SCLY: variants seen among roughly 807,000 people sequenced by gnomAD.
The protein encoded by SCLY is selenocysteine lyase, also known as putative selenocysteine lyase.
In SCLY, 38 loss-of-function variants were observed where a neutral mutation model predicts 50.1. The observed-to-expected ratio is 0.76, with a 90% CI of 0.59 to 0.99. SCLY has a LOEUF of 0.99. SCLY is among the 50% of genes least tolerant of loss of function. SCLY has a pLI of 0.00. For missense variants in SCLY, 600 were observed against 620.0 expected (o/e 0.97, Z 0.34); for synonymous variants, 243 against 249.4 (o/e 0.97, Z 0.24).
rs1559254644 is a variant in SCLY at position 238,098,618 on chromosome 2, TGGGACCGC to T, written c.*264_*271del. 2.1e-5 allele frequency: 9 copies of T among 437,434 alleles called. No individual in the cohort carries two copies. Among genetic ancestry groups the T allele is most frequent in the African/African-American group, 1.1e-4 (5 of 46,280 alleles). The allele number at this position is 437,434 out of a possible 1,614,324, so 27.1% of individuals were successfully genotyped here. The stretch of plus-strand genomic sequence containing the variant: ...GACCGCCCACATAGGACCGCCCACA[TGGGACCGC>T]CCACATGGGACCGCCCACATGGGAC... On this transcript the variant is annotated 3_prime_UTR_variant, in exon 12 of 12. Coordinates refer to ENST00000254663, the MANE Select transcript of SCLY (RefSeq NM_016510.7).
At position 238,099,214 on chromosome 2, in the gene SCLY, T is replaced by G. The variant is rs1332204268; in HGVS notation, c.*859T>G. 1.1e-4 allele frequency: 51 copies of G among 471,216 alleles called. No homozygotes were observed. Among genetic ancestry groups the G allele is most frequent in the Non-Finnish European group, 2.0e-4 (46 of 227,032 alleles). 29.2% of individuals were successfully genotyped at this position (471,216 alleles called of 1,614,324 possible). ...GATCATCCCTGACTCAGCTTTTACC[T>G]TAATTTTATTTGCAGAGGATTCTTT... On this transcript the variant is annotated 3_prime_UTR_variant, in exon 12 of 12. Transcript: ENST00000254663.
At chr2:238,072,699 T>C (rs755010605) in intron 4 of SCLY, among the ~76,000 whole-genome samples, 1 of 152,232 alleles carries the variant, frequency 6.6e-6, no homozygotes. Flanking sequence ...AAAATGTCTA[T>C]TAAAGTCCTT....
chr2:238,081,336 GC>G, intron 4 of SCLY: 1 of 181,222 alleles, frequency 5.5e-6, no homozygotes, highest in Non-Finnish European at 1.2e-5. Context: ...GCGCGTAGGA[GC>G]GGCTTCATCA....
At chr2:238,078,150 C>T (rs903508848) in intron 4 of SCLY, among the ~76,000 whole-genome samples, 1 of 152,124 alleles carries the variant, frequency 6.6e-6, no homozygotes, top group African/African-American at 2.4e-5. Context: ...GACGGGGTTT[C>T]ACCATGTTGG....
chr2:238,098,483 A>G lies in SCLY; in HGVS notation c.*128A>G. 9.1e-7 allele frequency: 1 copy of G among 1,097,730 alleles called. No homozygotes were observed. The highest frequency in any genetic ancestry group is 2.6e-5 in the East Asian group (1 of 37,924). The allele number at this position is 1,097,730 out of a possible 1,614,324, so 68.0% of individuals were successfully genotyped here. A position where few individuals can be genotyped will look rare whatever the true frequency, so the allele number is the denominator to read the frequency against. On this transcript the variant is annotated 3_prime_UTR_variant, in exon 12 of 12. Coordinates refer to ENST00000254663, the MANE Select transcript of SCLY (RefSeq NM_016510.7). ...ATGCCCCCTCTGCATTTTGTCCTGG[A>G]GTGCCAGCGAGTGTGCACCCCCAGT... is the stretch of plus-strand genomic sequence containing the variant.
intron 4 of SCLY, among the ~76,000 whole-genome samples, chr2:238,077,277 T>C (rs1037561060): frequency 1.3e-5 from 2 of 152,264 alleles, no homozygotes; most frequent in African/African-American, 2.4e-5. Flanking sequence ...TTTAAATCCC[T>C]TTTATTTTAT....
At chr2:238,084,447 C>T (rs1488506759) in intron 7 of SCLY, among the ~76,000 whole-genome samples, 3 of 151,626 alleles carry the variant, frequency 2.0e-5, no homozygotes, top group Non-Finnish European at 2.9e-5. Context: ...AAAAATTAGC[C>T]AGGTGTGGTG....
intron 4 of SCLY, among the ~76,000 whole-genome samples, chr2:238,077,396 C>T (rs2065184415): frequency 1.3e-5 from 2 of 152,178 alleles, no homozygotes; most frequent in South Asian, 4.1e-4. Flanking sequence ...TGTTGTAATA[C>T]ACTGTTAGAG....
At chr2:238,082,815 C>A in intron 6 of SCLY, 1 of 253,682 alleles carries the variant, frequency 3.9e-6, no homozygotes, top group Non-Finnish European at 8.0e-6. Flanking sequence ...CTGACACTGG[C>A]ACTCCAGAGT....
Position 238,099,314 on chromosome 2 carries a change from A to G in SCLY, c.*959A>G. On this transcript the variant is annotated 3_prime_UTR_variant, in exon 12 of 12. Transcript: ENST00000254663. ...TAGGAGTCATTTTCAGTGGAATAAC[A>G]TTTTTAATGTGTGGTTTTACGGTTC... 1 of 471,714 alleles carries G rather than the reference A, an allele frequency of 2.1e-6. No homozygotes were observed. Among genetic ancestry groups the G allele is most frequent in the Non-Finnish European group, 4.4e-6 (1 of 227,162 alleles). 29.2% of individuals were successfully genotyped at this position (471,714 alleles called of 1,614,324 possible). A position where few individuals can be genotyped will look rare whatever the true frequency, so the allele number is the denominator to read the frequency against.
At chr2:238,071,635 C>T (rs2065129050) in intron 4 of SCLY, among the ~76,000 whole-genome samples, 1 of 152,158 alleles carries the variant, frequency 6.6e-6, no homozygotes, top group Non-Finnish European at 1.5e-5. Flanking sequence ...AAAAGTCATT[C>T]TCCTGCTGCC....
intron 7 of SCLY, among the ~76,000 whole-genome samples, chr2:238,088,992 A>T (rs2065331799): frequency 6.6e-6 from 1 of 152,240 alleles, no homozygotes; most frequent in Admixed American, 6.5e-5. Context: ...TTCTAATCAG[A>T]TCACACGATT....
chr2:238,090,663 G>A (rs2065352363), intron 7 of SCLY, among the ~76,000 whole-genome samples: 2 of 152,280 alleles, frequency 1.3e-5, no homozygotes, highest in East Asian at 3.9e-4. Context: ...TAATTATTAA[G>A]TTAATTTTTT....
chr2:238,083,484 T>G lies in SCLY; in HGVS notation c.884+130T>G. 1.5e-6 allele frequency: 1 copy of G among 686,960 alleles called. No homozygotes were observed. The highest frequency in any genetic ancestry group is 1.7e-5 in the South Asian group (1 of 60,164). 42.6% of individuals were successfully genotyped at this position (686,960 alleles called of 1,614,324 possible). On this transcript the variant is annotated intron_variant, in intron 7 of 11. Coordinates refer to ENST00000254663, the MANE Select transcript of SCLY (RefSeq NM_016510.7). This position sits in a 1 kb window ranked among gnomAD's most constrained non-coding sequence, Gnocchi z 4.3. Reference sequence around the variant, plus strand: ...CTGTAGCATGTCCACACTGCTGCTGTGTCAGAACTGGCTCCACTGATTGAT... The same window carrying G: ...CTGTAGCATGTCCACACTGCTGCTGGGTCAGAACTGGCTCCACTGATTGAT...
chr2:238,098,393 C>T lies in SCLY; in HGVS notation c.*38C>T. The T allele has an allele frequency of 1.3e-6, 2 of 1,552,084 alleles. No individual in the cohort carries two copies. The highest frequency in any genetic ancestry group is 1.3e-5 in the African/African-American group (1 of 74,226). On this transcript the variant is annotated 3_prime_UTR_variant, in exon 12 of 12. Coordinates refer to ENST00000254663, the MANE Select transcript of SCLY (RefSeq NM_016510.7). ...CTTCCCCACCCCGCTTCTGGGAAGC[C>T]CGTGGCAGGGCACAGGGTTGTCCCT...
At chr2:238,078,395 C>T (rs1194551400) in intron 4 of SCLY, among the ~76,000 whole-genome samples, 1 of 152,040 alleles carries the variant, frequency 6.6e-6, no homozygotes, top group Non-Finnish European at 1.5e-5. Context: ...ATTTTTTGTT[C>T]TCTTTTCCCC....
chr2:238,099,063 C>T lies in SCLY; in HGVS notation c.*708C>T, dbSNP rs1257782706. 5 of 359,420 alleles carry T rather than the reference C, an allele frequency of 1.4e-5. No homozygotes were observed. The highest frequency in any genetic ancestry group is 2.2e-5 in the South Asian group (1 of 46,426). The allele number at this position is 359,420 out of a possible 1,614,324, so 22.3% of individuals were successfully genotyped here. On this transcript the variant is annotated 3_prime_UTR_variant, in exon 12 of 12. Coordinates refer to ENST00000254663, the MANE Select transcript of SCLY (RefSeq NM_016510.7). ...TTCCGCCCACTGGCAATCAGGGCTG[C>T]GCACTTCCCTGTCCACGGTCCCCAG...
rs745538621 is a variant in SCLY at position 238,064,448 on chromosome 2, C to A, written c.181C>A (p.Pro61Thr). 1.2e-6 allele frequency: 2 copies of A among 1,608,726 alleles called. No individual in the cohort carries two copies. Among genetic ancestry groups the A allele is most frequent in the African/African-American group, 1.3e-5 (1 of 74,546 alleles). Reference protein sequence around the residue: ...TKAMWEAWGNPSSPYSAGRKA... With the variant: ...TKAMWEAWGNTSSPYSAGRKA... ...GGCCATGTGGGAAGCCTGGGGAAAT[C>A]CCAGCAGCCCGTATTCAGCAGGTAA... Residue 61 changes from proline (P) to threonine (T), a missense_variant, in exon 2 of 12, where the codon CCC becomes ACC. Coordinates refer to ENST00000254663, the MANE Select transcript of SCLY (RefSeq NM_016510.7).
rs1275203662 is a variant in SCLY at position 238,098,906 on chromosome 2, T to A, written c.*551T>A. On this transcript the variant is annotated 3_prime_UTR_variant, in exon 12 of 12. Transcript: ENST00000254663. ...TGGTCTCTTCTCAGGCCCTTTTTAG[T>A]CCCTTTCCAAAGCTGCCCCCACCAC... 4.5e-6 allele frequency: 1 copy of A among 220,440 alleles called. No homozygotes were observed. The highest frequency in any genetic ancestry group is 2.3e-5 in the African/African-American group (1 of 42,836). 13.7% of individuals were successfully genotyped at this position (220,440 alleles called of 1,614,324 possible). A position where few individuals can be genotyped will look rare whatever the true frequency, so the allele number is the denominator to read the frequency against.
Sources: gnomAD v4.1 joint callset for allele counts (sites outside exome capture counted in the v4.1 genomes callset) on GRCh38, gnomAD v4.1.1 for gene constraint, Gnocchi (gnomAD v3.1) non-coding constraint, MANE v1.5 for transcripts, NCBI Gene and HGNC (gene_info 2026-07-23, HGNC 2026-07-21) for gene names.